TOP2B: variants seen among roughly 807,000 people sequenced by gnomAD.
The protein encoded by TOP2B is DNA topoisomerase II beta.
Under a neutral mutation model 193.5 loss-of-function variants are expected in TOP2B, and 51 were observed. The observed-to-expected ratio is 0.26, with a 90% CI of 0.21 to 0.33. The LOEUF is 0.33. Ranked by LOEUF, TOP2B falls within the 10% of genes least tolerant of loss-of-function variation. The pLI, the probability that TOP2B is intolerant of heterozygous loss-of-function variation, is 1.00. For missense variants in TOP2B, 1,378 were observed against 1,909.3 expected, an observed-to-expected ratio of 0.72 and a Z score of 5.19; for synonymous variants, 634 against 635.7, an observed-to-expected ratio of 1.00 and a Z score of 0.04.
At chr3:25,603,593 T>A (rs1253331002) in intron 33 of TOP2B, among the ~76,000 whole-genome samples, 1 of 152,110 alleles carries the variant, frequency 6.6e-6, no homozygotes, top group Non-Finnish European at 1.5e-5. Flanking sequence ...CAATGTGGGT[T>A]CCCCAGATTT....
chr3:25,639,465 G>A (rs904904198), intron 4 of TOP2B, among the ~76,000 whole-genome samples: 16 of 152,104 alleles, frequency 1.1e-4, no homozygotes, highest in African/African-American at 3.9e-4. Flanking sequence ...ACGCCACCAC[G>A]ACTGGCTAAT....
At chr3:25,616,592 T>C (rs1702511108) in intron 25 of TOP2B, among the ~76,000 whole-genome samples, 1 of 152,020 alleles carries the variant, frequency 6.6e-6, no homozygotes, top group Non-Finnish European at 1.5e-5. Context: ...TACGGAATGC[T>C]ATTGTTGAGT....
rs71313307 is a variant in TOP2B, at chr3:25,598,262, A to T, written c.*45T>A. On this transcript the variant is annotated 3_prime_UTR_variant, in exon 36 of 36. Coordinates refer to ENST00000264331, the MANE Select transcript of TOP2B (RefSeq NM_001330700.2). Reference sequence around the variant, plus strand: ...AGTCTGAGACAGAGAAGACAAAAGGACAACACAAGATATTTGTTGAAAAAT... The same window carrying T: ...AGTCTGAGACAGAGAAGACAAAAGGTCAACACAAGATATTTGTTGAAAAAT... The T allele has an allele frequency of 1.3e-6, 2 of 1,545,670 alleles. No individual in the cohort carries two copies. Among genetic ancestry groups the T allele is most frequent in the South Asian group, 2.5e-5 (2 of 80,518 alleles).
In TOP2B at chr3:25,634,001, C is replaced by A; in HGVS notation, c.866G>T (p.Arg289Leu). ...TTTCACATAAAGATCTACATAACTG[C>A]GAAATCCATTTACCTATTAATTTAA... ...NGKKLPVNGF[R>L]SYVDLYVKDK... Residue 289 changes from arginine (R) to leucine (L), a missense_variant, in exon 8 of 36, where the codon CGC becomes CTC. Physicochemically the swap from Arg to Leu is moderately radical, Grantham distance 102. This residue lies in a region of TOP2B where 222 missense variants were observed against 306.6 expected (regional missense o/e 0.72). Coordinates refer to ENST00000264331, the MANE Select transcript of TOP2B (RefSeq NM_001330700.2). The A allele has an allele frequency of 6.2e-7, 1 of 1,602,164 alleles. No individual in the cohort carries two copies. Among genetic ancestry groups the A allele is most frequent in the Non-Finnish European group, 8.5e-7 (1 of 1,176,178 alleles).
At chr3:25,641,663 A>G (rs1703268528) in intron 4 of TOP2B, among the ~76,000 whole-genome samples, 5 of 152,146 alleles carry the variant, frequency 3.3e-5, no homozygotes, top group South Asian at 2.1e-4. Context: ...CTGAAATTAG[A>G]TTATTACTAG....
chr3:25,606,716 T>C (rs1305786312), intron 31 of TOP2B, among the ~76,000 whole-genome samples: 1 of 152,166 alleles, frequency 6.6e-6, no homozygotes, highest in Non-Finnish European at 1.5e-5. Context: ...AAGAAAAATC[T>C]ATCAAGGCCA....
At position 25,664,286 on chromosome 3, in the gene TOP2B, C is replaced by A. The variant is rs938170528; in HGVS notation, c.12G>T (p.Ser4=). The change falls in exon 1 of 36, where the codon TCG becomes TCT. Residue 4 remains serine, a synonymous_variant. Transcript: ENST00000264331. MAK[S]GGCGAGAGVG... ...CGCCGGCTCCCGCGCCGCAGCCACC[C>A]GACTTGGCCATGGCGAGTGCCTCCA... The A allele has an allele frequency of 5.2e-6, 8 of 1,534,092 alleles. No individual in the cohort carries two copies. The African/African-American group carries it at 9.6e-5, about 18-fold the overall frequency.
At position 25,623,533 on chromosome 3, in the gene TOP2B, G is replaced by A; in HGVS notation, c.2709C>T (p.Gly903=). Residue 903 remains glycine, a synonymous_variant, in exon 21 of 36, where the codon GGC becomes GGT. Coordinates refer to ENST00000264331, the MANE Select transcript of TOP2B (RefSeq NM_001330700.2). ...TAATTACCATGGGATGAGGATCCAG[G>A]CCATCTAGCATTCGTCTGACATTGT... is the stretch of plus-strand genomic sequence containing the variant. ...IVNNVRRMLD[G]LDPHPMLPNY... 6.2e-7 allele frequency: 1 copy of A among 1,613,768 alleles called. No individual in the cohort carries two copies. The highest frequency in any genetic ancestry group is 8.5e-7 in the Non-Finnish European group (1 of 1,179,752).
In TOP2B at chr3:25,638,202, T is replaced by G. The variant is rs768854387; in HGVS notation, c.504A>C (p.Thr168=). 11 of 1,563,736 alleles carry G rather than the reference T, an allele frequency of 7.0e-6. No homozygotes were observed. Among genetic ancestry groups the G allele is most frequent in the Non-Finnish European group, 8.7e-6 (10 of 1,152,712 alleles). Residue 168 remains threonine, a synonymous_variant, in exon 5 of 36, where the codon ACA becomes ACC. Transcript: ENST00000264331. ...TCTCATCATCATCATAGTTACTGGA[T>G]GTTAAAAGCTGTCCAAAAATTAAAG... ...VPALIFGQLL[T]SSNYDDDEKK... is the part of the protein sequence containing the mutation.
In TOP2B at chr3:25,604,881, C is replaced by T. The variant is rs943061738; in HGVS notation, c.4379-11G>A. ...CAAATTTAGCTGAATCTAAAAATTG[C>T]AAAGCCTTCTTTTAGTAAAGAGATG... is the stretch of plus-strand genomic sequence containing the variant. On this transcript the variant is annotated splice_polypyrimidine_tract_variant and intron_variant, in intron 32 of 35. Transcript: ENST00000264331. 1.3e-6 allele frequency: 2 copies of T among 1,594,086 alleles called. No individual in the cohort carries two copies. Among genetic ancestry groups the T allele is most frequent in the Non-Finnish European group, 1.7e-6 (2 of 1,163,676 alleles).
rs536733504 is a variant in TOP2B, at chr3:25,632,972, T to TTTTG, written c.1027-182_1027-179dup. On this transcript the variant is annotated intron_variant, in intron 8 of 35. Coordinates refer to ENST00000264331, the MANE Select transcript of TOP2B (RefSeq NM_001330700.2). ...GCCAATAAACCAACCGCTGTGTTTT[T>TTTTG]TTTGTTTGTTTGTTTGTTTGCTTTC... Among the ~76,000 whole-genome samples the TTTTG allele has an allele frequency of 1.9e-4, 29 of 152,242 alleles. No individual in the cohort carries two copies. In the South Asian group the frequency reaches 2.3e-3, roughly 12 times the overall value.
chr3:25,660,091 C>G (rs751849931), intron 1 of TOP2B, among the ~76,000 whole-genome samples: 1 of 152,182 alleles, frequency 6.6e-6, no homozygotes, highest in Non-Finnish European at 1.5e-5. Flanking sequence ...CCTGGGATTA[C>G]AGGTGAACAT....
chr3:25,638,442 T>C, intron 4 of TOP2B, 132 bp from the exon 5 acceptor site: 1 of 1,123,328 alleles, frequency 8.9e-7, no homozygotes, highest in Non-Finnish European at 1.2e-6. Flanking sequence ...ATACTAGTCA[T>C]TATCAATTGG....
Position 25,623,731 on chromosome 3 carries a change from T to G in TOP2B, c.2511A>C (p.Leu837=). The G allele has an allele frequency of 6.2e-7, 1 of 1,612,086 alleles. No homozygotes were observed. The highest frequency in any genetic ancestry group is 1.1e-5 in the South Asian group (1 of 90,928). Residue 837 remains leucine, a synonymous_variant, in exon 21 of 36, where the codon CTA becomes CTC. Transcript: ENST00000264331. ...GGTTGTCATCCACAGCAGGAAAAAG[T>G]AGCCTTGCTAAAGTGCTAATGAAAA... The part of the protein sequence containing the change: ...IFTMLSTLAR[L]LFPAVDDNLL...
chr3:25,662,978 C>T (rs764552927), intron 1 of TOP2B, among the ~76,000 whole-genome samples: 1 of 152,206 alleles, frequency 6.6e-6, no homozygotes, highest in Admixed American at 6.5e-5. Flanking sequence ...ACTGCAAGTC[C>T]ACATGGACCA....
chr3:25,623,717 A>G lies in TOP2B; in HGVS notation c.2525T>C (p.Val842Ala), dbSNP rs1366192670. Residue 842 changes from valine to alanine, a missense_variant, in exon 21 of 36, where the codon GTG becomes GCG. Val to Ala is a moderately conservative substitution (Grantham distance 64, BLOSUM62 0). Transcript: ENST00000264331. ...STLARLLFPA[V>A]DDNLLKFLYD... ...AAGGAACTTAAGGAGGTTGTCATCC[A>G]CAGCAGGAAAAAGTAGCCTTGCTAA... 12 of 1,613,452 alleles carry G rather than the reference A, an allele frequency of 7.4e-6. No homozygotes were observed. The highest frequency in any genetic ancestry group is 1.3e-5 in the African/African-American group (1 of 74,942).
intron 1 of TOP2B, among the ~76,000 whole-genome samples, chr3:25,657,367 G>A (rs1023004882): frequency 7.2e-5 from 11 of 152,156 alleles, no homozygotes; most frequent in African/African-American, 9.7e-5. Flanking sequence ...CCTTAGAAGA[G>A]AGAAGCTAAA....
At position 25,632,668 on chromosome 3, in the gene TOP2B, G is replaced by C. The variant is rs372738310; in HGVS notation, c.1128+25C>G. ...TATATAATGCATATGTATGCATCAT[G>C]TACAATATATAACACATCCCTTACT... On this transcript the variant is annotated intron_variant, in intron 9 of 35. Transcript: ENST00000264331. 2.1e-5 allele frequency: 33 copies of C among 1,601,080 alleles called. No individual in the cohort carries two copies. The East Asian group carries it at 6.9e-4, about 34-fold the overall frequency.
At position 25,628,699 on chromosome 3, in the gene TOP2B, C is replaced by T. The variant is rs137938713; in HGVS notation, c.1906+148G>A. ...GAAATCTATTACACTATTCTACTTG[C>T]ATACATTTTTCTATAACAATACTTT... On this transcript the variant is annotated intron_variant, in intron 15 of 35. Transcript: ENST00000264331. The T allele has an allele frequency of 1.5e-3, 822 of 560,220 alleles. 10 individuals carry two copies. Among genetic ancestry groups the T allele is most frequent in the African/African-American group, 0.014 (730 of 52,120 alleles). 34.7% of individuals were successfully genotyped at this position (560,220 alleles called of 1,614,324 possible). A position where few individuals can be genotyped will look rare whatever the true frequency, so the allele number is the denominator to read the frequency against.
Sources: gnomAD v4.1 joint callset for allele counts (sites outside exome capture counted in the v4.1 genomes callset) on GRCh38, gnomAD v4.1.1 for gene constraint, gnomAD v4.1.1 regional missense constraint, MANE v1.5 for transcripts, NCBI Gene and HGNC (gene_info 2026-07-23, HGNC 2026-07-21) for gene names.